CREBBP: variants seen among roughly 807,000 people sequenced by gnomAD.
CREBBP encodes the protein CREB binding lysine acetyltransferase.
A neutral mutation model predicts 265.0 loss-of-function variants in CREBBP; 19 were observed. That is an observed-to-expected ratio of 0.07 (90% CI 0.05 to 0.11). CREBBP has a LOEUF of 0.11. Ranked by LOEUF, CREBBP falls within the 10% of genes least tolerant of loss-of-function variation. The pLI is 1.00. For missense variants in CREBBP, 2,525 were observed against 3,219.0 expected, an observed-to-expected ratio of 0.78 and a Z score of 5.22; for synonymous variants, 1,457 against 1,223.7, an observed-to-expected ratio of 1.19 and a Z score of -3.98.
In CREBBP at chr16:3,880,466, G is replaced by GC. The variant is rs1029999784; in HGVS notation, c.-551dup. 6.3e-5 allele frequency: 9 copies of GC among 143,572 alleles called. No individual in the cohort carries two copies. The highest frequency in any genetic ancestry group is 1.3e-4 in the African/African-American group (5 of 39,780). 8.9% of individuals were successfully genotyped at this position (143,572 alleles called of 1,614,324 possible). A position where few individuals can be genotyped will look rare whatever the true frequency, so the allele number is the denominator to read the frequency against. On this transcript the variant is annotated 5_prime_UTR_variant, in exon 1 of 31. Transcript: ENST00000262367. ...GAGCGGGGTCGCCGCCGCCGCCGCGGCCCCCCCACCCCCCGTTCCGCCGCC... is the reference window on the plus strand; with the variant it reads ...GAGCGGGGTCGCCGCCGCCGCCGCGGCCCCCCCCACCCCCCGTTCCGCCGCC...
intron 22 of CREBBP, 121 bp downstream of exon 22, chr16:3,745,156 G>T: frequency 9.7e-7 from 1 of 1,028,062 alleles, no homozygotes. Flanking sequence ...AGAACCAACT[G>T]CCATCTCTCT....
rs747875008 is a variant in CREBBP at position 3,769,294 on chromosome 16, G to A, written c.2940C>T (p.Ser980=). The change falls in exon 15 of 31, where the codon AGC becomes AGT. Residue 980 remains serine (S), a synonymous_variant. Transcript: ENST00000262367. The part of the protein sequence containing the change: ...NRVPTPSSVA[S]AETNSQQPGP... Reference sequence around the variant, plus strand: ...CTGGCTGCTGGGAATTGGTTTCTGCGCTGGCCACCGAGGAGGGGGTAGGGA... The same window carrying A: ...CTGGCTGCTGGGAATTGGTTTCTGCACTGGCCACCGAGGAGGGGGTAGGGA... 1.7e-5 allele frequency: 27 copies of A among 1,614,118 alleles called. No homozygotes were observed. Among genetic ancestry groups the A allele is most frequent in the South Asian group, 1.6e-4 (15 of 91,078 alleles).
In CREBBP at chr16:3,777,661, T is replaced by C. The variant is rs749311469; in HGVS notation, c.2114-4A>G. 3 of 1,614,080 alleles carry C rather than the reference T, an allele frequency of 1.9e-6. No individual in the cohort carries two copies. The highest frequency in any genetic ancestry group is 2.5e-6 in the Non-Finnish European group (3 of 1,180,036). ...ACTGGCAGGGACAGGGGTCCATCTA[T>C]GGTGGCAAAACAAAAACAAAAACAA... On this transcript the variant is annotated splice_region_variant and splice_polypyrimidine_tract_variant and intron_variant, in intron 10 of 30. Coordinates refer to ENST00000262367, the MANE Select transcript of CREBBP (RefSeq NM_004380.3).
At chr16:3,773,064 C>A (rs1047479377) in intron 13 of CREBBP, among the ~76,000 whole-genome samples, 2 of 151,630 alleles carry the variant, frequency 1.3e-5, no homozygotes, top group Admixed American at 6.6e-5. Context: ...CCAGTCTGGG[C>A]AACAAAACGA....
Position 3,725,444 on chromosome 16 carries a change from G to A in CREBBP, c.*2274C>T, listed in dbSNP as rs142823437. On this transcript the variant is annotated 3_prime_UTR_variant, in exon 31 of 31. Coordinates refer to ENST00000262367, the MANE Select transcript of CREBBP (RefSeq NM_004380.3). ...GTGTGGGCTTAGAGCTGCTGCTCTCGGGCTCTAGCCCCACTTCTTGTTTGA... is the reference window on the plus strand; with the variant it reads ...GTGTGGGCTTAGAGCTGCTGCTCTCAGGCTCTAGCCCCACTTCTTGTTTGA... 0.011 allele frequency: 2,483 copies of A among 233,182 alleles called. 39 individuals are homozygous for A. The highest frequency in any genetic ancestry group is 0.053 in the South Asian group (291 of 5,532). 14.4% of individuals were successfully genotyped at this position (233,182 alleles called of 1,614,324 possible). A position where few individuals can be genotyped will look rare whatever the true frequency, so the allele number is the denominator to read the frequency against.
chr16:3,853,237 A>G (rs971614096), intron 1 of CREBBP, among the ~76,000 whole-genome samples: 1 of 152,146 alleles, frequency 6.6e-6, no homozygotes, highest in Non-Finnish European at 1.5e-5. Context: ...AACAGTGCCT[A>G]TGGGTGGTAA....
chr16:3,734,801 C>G (rs1375532056), intron 28 of CREBBP, among the ~76,000 whole-genome samples: 1 of 152,152 alleles, frequency 6.6e-6, no homozygotes, highest in Non-Finnish European at 1.5e-5. Flanking sequence ...GCGGAAGCGG[C>G]CCAGGCCCCA....
intron 16 of CREBBP, among the ~76,000 whole-genome samples, chr16:3,763,424 G>C (rs553917748): frequency 6.6e-6 from 1 of 152,132 alleles, no homozygotes; most frequent in Admixed American, 6.5e-5. Context: ...GCCTCCAAAA[G>C]TGCTGGAGTT....
intron 2 of CREBBP, among the ~76,000 whole-genome samples, chr16:3,834,071 A>G (rs551701987): frequency 2.0e-5 from 3 of 152,364 alleles, no homozygotes; most frequent in South Asian, 2.1e-4. Context: ...ATGGGATACC[A>G]CTATTTGCCT....
Position 3,740,392 on chromosome 16 carries a change from C to A in CREBBP, c.4133+7G>T. The A allele has an allele frequency of 6.2e-7, 1 of 1,614,154 alleles. No homozygotes were observed. The highest frequency in any genetic ancestry group is 8.5e-7 in the Non-Finnish European group (1 of 1,180,036). Reference sequence around the variant, plus strand: ...CGCAGAGCACTGTAGAGAGCAGGCACACTGACCGTGACTTCATCCCGGGCT... The same window carrying A: ...CGCAGAGCACTGTAGAGAGCAGGCAAACTGACCGTGACTTCATCCCGGGCT... On this transcript the variant is annotated splice_region_variant and intron_variant, in intron 24 of 30. Coordinates refer to ENST00000262367, the MANE Select transcript of CREBBP (RefSeq NM_004380.3).
At chr16:3,767,321 C>A in intron 16 of CREBBP, 1 of 227,840 alleles carries the variant, frequency 4.4e-6, no homozygotes, top group Non-Finnish European at 8.8e-6. Context: ...TCATAATGAC[C>A]ATCTTCCTTA....
intron 18 of CREBBP, 25 bp downstream of exon 18, chr16:3,757,784 T>C (rs1263843450): frequency 3.7e-6 from 6 of 1,613,312 alleles, no homozygotes; most frequent in Middle Eastern, 3.3e-4. Flanking sequence ...GAAAATTCAC[T>C]TTCCGGAAAA....
chr16:3,832,083 T>C (rs2054354609), intron 2 of CREBBP, among the ~76,000 whole-genome samples: 1 of 151,580 alleles, frequency 6.6e-6, no homozygotes. Context: ...GAACTTAAAA[T>C]GGATATATTA....
intron 3 of CREBBP, among the ~76,000 whole-genome samples, chr16:3,805,084 T>C (rs2053801558): frequency 6.6e-6 from 1 of 152,244 alleles, no homozygotes; most frequent in African/African-American, 2.4e-5. Flanking sequence ...AGCTGATACT[T>C]ATTGCCAAAA....
intron 1 of CREBBP, among the ~76,000 whole-genome samples, chr16:3,879,236 A>G (rs74003441): frequency 0.055 from 167 of 3,042 alleles, 1 homozygote; most frequent in South Asian, 0.17. Context: ...ACACGCGCGC[A>G]CACACACACA....
At chr16:3,783,145 C>G (rs2053311982) in intron 5 of CREBBP, among the ~76,000 whole-genome samples, 1 of 152,132 alleles carries the variant, frequency 6.6e-6, no homozygotes, top group Non-Finnish European at 1.5e-5. Context: ...AAAGAAAAGT[C>G]AAGTTTCTAT....
intron 28 of CREBBP, among the ~76,000 whole-genome samples, chr16:3,735,524 C>T (rs763085998): frequency 1.1e-4 from 16 of 152,142 alleles, no homozygotes; most frequent in Non-Finnish European, 2.2e-4. Flanking sequence ...TCTCCCTTTC[C>T]TGACCTTGTG....
chr16:3,848,918 T>C (rs2054724520), intron 2 of CREBBP, among the ~76,000 whole-genome samples: 1 of 152,200 alleles, frequency 6.6e-6, no homozygotes, highest in Non-Finnish European at 1.5e-5. Context: ...ACATTGAGCA[T>C]TACTTCATCT....
At chr16:3,745,194 T>C (rs982911041) in intron 22 of CREBBP, 83 bp downstream of exon 22, 2 of 1,245,268 alleles carry the variant, frequency 1.6e-6, no homozygotes, top group African/African-American at 1.5e-5. Context: ...CTGACAACAA[T>C]GAATGAGATG....
Sources: gnomAD v4.1 joint callset for allele counts (sites outside exome capture counted in the v4.1 genomes callset) on GRCh38, gnomAD v4.1.1 for gene constraint, MANE v1.5 for transcripts, NCBI Gene and HGNC (gene_info 2026-07-23, HGNC 2026-07-21) for gene names.